DISP1: variants seen among roughly 807,000 people sequenced by gnomAD.
The protein encoded by DISP1 is protein dispatched homolog 1.
DISP1 carries 30 observed loss-of-function variants against 37.3 expected under a neutral mutation model. The ratio of observed to expected loss-of-function variants is 0.80; its 90% CI spans 0.60 to 1.09. The LOEUF (loss-of-function observed/expected upper bound fraction) is 1.09, where lower values mean the gene tolerates loss of function less well. Among genes scored for constraint, DISP1 ranks in the 50% least tolerant of loss-of-function variants. The pLI, the probability that DISP1 is intolerant of heterozygous loss-of-function variation, is 0.00. For synonymous variants in DISP1, 634 were observed against 690.2 expected (o/e 0.92, Z 1.28); for missense variants, 1,598 against 1,879.5 (o/e 0.85, Z 2.77).
At chr1:222,987,545 G>A (rs1372383828) in intron 4 of DISP1, among the ~76,000 whole-genome samples, 2 of 152,232 alleles carry the variant, frequency 1.3e-5, no homozygotes, top group African/African-American at 2.4e-5. Flanking sequence ...CGTATATGGT[G>A]TGTAGCAGTG....
chr1:222,992,231 G>A (rs1416225372), intron 7 of DISP1, 121 bp downstream of exon 7: 1 of 821,426 alleles, frequency 1.2e-6, no homozygotes, highest in African/African-American at 1.7e-5. Flanking sequence ...TGTTGCTGTT[G>A]AACCTAAAGA....
At chr1:222,848,108 T>A (rs542114708) in intron 1 of DISP1, among the ~76,000 whole-genome samples, 1 of 152,300 alleles carries the variant, frequency 6.6e-6, no homozygotes, top group East Asian at 1.9e-4. Flanking sequence ...TCAACATTCA[T>A]ATTGATTGAT....
rs538243820 is a variant in DISP1 at position 222,943,453 on chromosome 1, G to T, written c.509+121G>T. 3.6e-6 allele frequency: 5 copies of T among 1,378,010 alleles called. No homozygotes were observed. The Admixed American group carries it at 7.3e-5, about 20-fold the overall frequency. 85.4% of individuals were successfully genotyped at this position (1,378,010 alleles called of 1,614,324 possible). ...AGGCACAGAAAGAAAACATGAAAACGCATATTCTGTGGATTGTGTGAAGCC... is the reference window on the plus strand; with the variant it reads ...AGGCACAGAAAGAAAACATGAAAACTCATATTCTGTGGATTGTGTGAAGCC... On this transcript the variant is annotated intron_variant, in intron 3 of 8. Coordinates refer to ENST00000675850, the MANE Select transcript of DISP1 (RefSeq NM_001377229.1).
chr1:222,845,826 A>G (rs544833184), intron 1 of DISP1, among the ~76,000 whole-genome samples: 8 of 152,238 alleles, frequency 5.3e-5, no homozygotes, highest in Non-Finnish European at 1.2e-4. Context: ...TTTGGGGTGT[A>G]ATTTTTGGAA....
chr1:222,868,487 A>G (rs1204656170), intron 1 of DISP1, among the ~76,000 whole-genome samples: 1 of 152,152 alleles, frequency 6.6e-6, no homozygotes, highest in Non-Finnish European at 1.5e-5. Flanking sequence ...ATTATTCATT[A>G]TATCATTGAA....
chr1:223,001,752 T>A (rs954645207), intron 8 of DISP1, among the ~76,000 whole-genome samples: 6 of 152,180 alleles, frequency 3.9e-5, no homozygotes, highest in African/African-American at 1.4e-4. Context: ...CCTTGTGATT[T>A]AGTCACCTTC....
intron 1 of DISP1, among the ~76,000 whole-genome samples, chr1:222,926,249 G>A (rs1673077998): frequency 6.6e-6 from 1 of 152,152 alleles, no homozygotes; most frequent in African/African-American, 2.4e-5. Flanking sequence ...GCATGTATCA[G>A]TGCTTCATTA....
chr1:222,998,681 C>T (rs771959907), intron 8 of DISP1, among the ~76,000 whole-genome samples: 18 of 152,094 alleles, frequency 1.2e-4, no homozygotes, highest in Non-Finnish European at 2.2e-4. Flanking sequence ...AAGTGAGTCT[C>T]TCTAATCTTG....
intron 1 of DISP1, among the ~76,000 whole-genome samples, chr1:222,896,988 T>G (rs1171135688): frequency 6.6e-6 from 1 of 152,226 alleles, no homozygotes; most frequent in East Asian, 1.9e-4. Context: ...ATGTACCTTA[T>G]GACCCAGTAA....
At chr1:222,854,202 T>C (rs1407797540) in intron 1 of DISP1, among the ~76,000 whole-genome samples, 1 of 152,206 alleles carries the variant, frequency 6.6e-6, no homozygotes, top group East Asian at 1.9e-4. Context: ...GACTGAATCA[T>C]AGAAGCTAGG....
At chr1:222,973,275 A>G (rs1677085062) in intron 3 of DISP1, among the ~76,000 whole-genome samples, 3 of 152,210 alleles carry the variant, frequency 2.0e-5, no homozygotes, top group Admixed American at 1.3e-4. Context: ...GAGGAATTCA[A>G]AAATGCAAAA....
Position 223,003,148 on chromosome 1 carries a change from C to T in DISP1, c.1751C>T (p.Thr584Ile), listed in dbSNP as rs1316175685. 1.2e-6 allele frequency: 2 copies of T among 1,614,210 alleles called. No homozygotes were observed. Among genetic ancestry groups the T allele is most frequent in the East Asian group, 2.2e-5 (1 of 44,880 alleles). ...AFVLCDVWNY[T>I]KFDKPHAETS... The stretch of plus-strand genomic sequence containing the variant: ...GTCCTGTGTGATGTTTGGAACTACA[C>T]AAAATTTGATAAGCCTCATGCCGAA... Residue 584 changes from threonine (T) to isoleucine (I), a missense_variant, in exon 9 of 9, where the codon ACA becomes ATA. Thr to Ile is a moderately conservative substitution (Grantham distance 89). Coordinates refer to ENST00000675850, the MANE Select transcript of DISP1 (RefSeq NM_001377229.1). The surrounding 1 kb of genome is among the most constrained non-coding windows in gnomAD (Gnocchi z 4.3).
At chr1:222,940,382 G>A (rs904224197) in intron 2 of DISP1, among the ~76,000 whole-genome samples, 3 of 152,046 alleles carry the variant, frequency 2.0e-5, no homozygotes, top group African/African-American at 7.2e-5. Context: ...TCACTATCAT[G>A]AGAACAGCAC....
chr1:222,994,024 T>G (rs1262682502), intron 7 of DISP1, among the ~76,000 whole-genome samples: 1 of 152,234 alleles, frequency 6.6e-6, no homozygotes, highest in Admixed American at 6.5e-5. Flanking sequence ...AAATTAATCT[T>G]CTTTGTTTTA....
intron 1 of DISP1, among the ~76,000 whole-genome samples, chr1:222,866,731 A>G (rs796979359): frequency 6.6e-6 from 1 of 152,308 alleles, no homozygotes; most frequent in African/African-American, 2.4e-5. Context: ...TTAATATCAC[A>G]TATAACCTAA....
At chr1:222,943,650 G>A in intron 3 of DISP1, 1 of 403,000 alleles carries the variant, frequency 2.5e-6, no homozygotes, top group Non-Finnish European at 4.6e-6. Flanking sequence ...TATTGTACAT[G>A]GGAAGCATAT....
intron 1 of DISP1, among the ~76,000 whole-genome samples, chr1:222,864,180 C>G (rs891177292): frequency 6.6e-6 from 1 of 152,188 alleles, no homozygotes; most frequent in African/African-American, 2.4e-5. Flanking sequence ...AGTTTCTCTC[C>G]ATATTCACAA....
chr1:222,828,556 G>A (rs898879045), intron 1 of DISP1, among the ~76,000 whole-genome samples: 5 of 152,018 alleles, frequency 3.3e-5, no homozygotes, highest in African/African-American at 1.2e-4. Flanking sequence ...TGTATCGATT[G>A]TAAGCTGAAA....
At chr1:222,819,252 C>T (rs188085138) in intron 1 of DISP1, among the ~76,000 whole-genome samples, 1 of 152,304 alleles carries the variant, frequency 6.6e-6, no homozygotes, top group East Asian at 1.9e-4. Context: ...AGCTATGCTT[C>T]CTGTACAGCC....
Sources: gnomAD v4.1 joint callset for allele counts (sites outside exome capture counted in the v4.1 genomes callset) on GRCh38, gnomAD v4.1.1 for gene constraint, Gnocchi (gnomAD v3.1) non-coding constraint, MANE v1.5 for transcripts, NCBI Gene and HGNC (gene_info 2026-07-23, HGNC 2026-07-21) for gene names.